The following PLEKHA8 variants were observed in gnomAD, a reference collection of about 807,000 sequenced individuals.
PLEKHA8 encodes the protein pleckstrin homology domain containing A8, also known as pleckstrin homology domain-containing family A member 8.
In PLEKHA8, 36 loss-of-function variants were observed where a neutral mutation model predicts 68.2. The observed-to-expected ratio is 0.53, with a 90% CI of 0.40 to 0.70. The LOEUF is 0.70. Among genes scored for constraint, PLEKHA8 ranks in the 30% least tolerant of loss-of-function variants. PLEKHA8 has a pLI of 0.00. For missense variants in PLEKHA8, 505 were observed against 615.4 expected (o/e 0.82, Z 1.90); for synonymous variants, 211 against 216.1 (o/e 0.98, Z 0.20).
intron 9 of PLEKHA8, among the ~76,000 whole-genome samples, chr7:30,057,331 C>T (rs1049614886): frequency 5.9e-5 from 9 of 152,074 alleles, no homozygotes; most frequent in African/African-American, 1.2e-4. Context: ...TTTTGAGATC[C>T]GTCCTTGTTT....
chr7:30,093,599 T>C (rs1454960422), downstream of PLEKHA8, among the ~76,000 whole-genome samples: 1 of 152,234 alleles, frequency 6.6e-6, no homozygotes, highest in East Asian at 1.9e-4. Flanking sequence ...TTCTCCTCTG[T>C]AAACTGAGAT....
At chr7:30,090,878 C>T (rs1246016722), downstream of PLEKHA8, 3 of 173,290 alleles carry the variant, frequency 1.7e-5, no homozygotes, top group African/African-American at 7.2e-5. Flanking sequence ...AAAAATTCCT[C>T]AGCCCGGCAT....
At chr7:30,036,101 C>G (rs764027385) in intron 1 of PLEKHA8, among the ~76,000 whole-genome samples, 53 of 150,954 alleles carry the variant, frequency 3.5e-4, no homozygotes, top group Admixed American at 1.3e-3. Context: ...ACTAAAAATA[C>G]AAAAATTAGC....
downstream of PLEKHA8, among the ~76,000 whole-genome samples, chr7:30,085,071 A>G (rs558288114): frequency 2.0e-5 from 3 of 151,104 alleles, no homozygotes; most frequent in African/African-American, 7.3e-5. Context: ...CAGCCTCCTG[A>G]GTAGCTGGGA....
chr7:30,100,386 A>G (rs1225312120), intron 13 of PLEKHA8, among the ~76,000 whole-genome samples: 1 of 152,004 alleles, frequency 6.6e-6, no homozygotes, highest in Non-Finnish European at 1.5e-5. Flanking sequence ...CCCTGTCTCT[A>G]CTAAAATTAC....
At chr7:30,029,631 C>A (rs1032849361) in intron 1 of PLEKHA8, among the ~76,000 whole-genome samples, 9 of 152,182 alleles carry the variant, frequency 5.9e-5, no homozygotes, top group Non-Finnish European at 1.3e-4. Flanking sequence ...GTGCTAGCCA[C>A]TTTTTTGGAA....
At chr7:30,049,858 C>G (rs1279980654) in intron 5 of PLEKHA8, among the ~76,000 whole-genome samples, 3 of 152,174 alleles carry the variant, frequency 2.0e-5, no homozygotes, top group Non-Finnish European at 4.4e-5. Context: ...TTAATAATTC[C>G]TTCCACTCCT....
chr7:30,028,786 G>C lies in PLEKHA8; in HGVS notation c.24G>C (p.Trp8Cys). ...CCATGGAGGGGGTGCTGTACAAGTG[G>C]ACCAACTATCTGAGCGGTGAGTGGC... The part of the protein sequence containing the change: MEGVLYK[W>C]TNYLSGWQPR... Residue 8 changes from tryptophan (W) to cysteine (C), a missense_variant, in exon 1 of 14, where the codon TGG becomes TGC. Coordinates refer to ENST00000449726, the MANE Select transcript of PLEKHA8 (RefSeq NM_001197026.2). 1.6e-6 allele frequency: 2 copies of C among 1,272,436 alleles called. No individual in the cohort carries two copies. Among genetic ancestry groups the C allele is most frequent in the Non-Finnish European group, 2.0e-6 (2 of 1,003,178 alleles). 78.8% of individuals were successfully genotyped at this position (1,272,436 alleles called of 1,614,324 possible).
chr7:30,083,339 A>T lies in PLEKHA8; in HGVS notation c.*4552A>T. Reference sequence around the variant, plus strand: ...ATAGTCATTTCATAAAAAATAATTCACTAGCTGTCTAATGGTATTTTAAGA... The same window carrying T: ...ATAGTCATTTCATAAAAAATAATTCTCTAGCTGTCTAATGGTATTTTAAGA... On this transcript the variant is annotated 3_prime_UTR_variant, in exon 14 of 14. Transcript: ENST00000449726. The T allele has an allele frequency of 1.0e-6, 1 of 985,100 alleles. No homozygotes were observed. Among genetic ancestry groups the T allele is most frequent in the Non-Finnish European group, 1.2e-6 (1 of 829,654 alleles). The allele number at this position is 985,100 out of a possible 1,614,324, so 61.0% of individuals were successfully genotyped here.
Position 30,082,877 on chromosome 7 carries a change from G to A in PLEKHA8, c.*4090G>A. On this transcript the variant is annotated 3_prime_UTR_variant, in exon 14 of 14. Transcript: ENST00000449726. ...GAGGCATTTGGGGAGCTTCCTGGAG[G>A]AAAATTAAGTTTTTTTCCTAGCAAA... 2 of 985,332 alleles carry A rather than the reference G, an allele frequency of 2.0e-6. No individual in the cohort carries two copies. The highest frequency in any genetic ancestry group is 9.4e-5 in the South Asian group (2 of 21,292). The allele number at this position is 985,332 out of a possible 1,614,324, so 61.0% of individuals were successfully genotyped here. A position where few individuals can be genotyped will look rare whatever the true frequency, so the allele number is the denominator to read the frequency against.
At chr7:30,056,312 C>CTCTCTCTCTATATATA (rs796845171) in intron 9 of PLEKHA8, among the ~76,000 whole-genome samples, 99 of 94,540 alleles carry the variant, frequency 1.0e-3, no homozygotes, top group South Asian at 1.9e-3. Context: ...CTCTCTCTCT[C>CTCTCTCTCTATATATA]TATATATATA....
chr7:30,071,523 T>C (rs1794238749), intron 12 of PLEKHA8, among the ~76,000 whole-genome samples: 1 of 152,222 alleles, frequency 6.6e-6, no homozygotes, highest in Non-Finnish European at 1.5e-5. Context: ...TGCATACAGA[T>C]AGCTACTCTA....
At chr7:30,098,789 G>A (rs111352585) in intron 13 of PLEKHA8, among the ~76,000 whole-genome samples, 18 of 152,252 alleles carry the variant, frequency 1.2e-4, no homozygotes, top group African/African-American at 4.1e-4. Flanking sequence ...TGGGTGATGC[G>A]ATGTTGCGCC....
downstream of PLEKHA8, among the ~76,000 whole-genome samples, chr7:30,089,535 A>G (rs145444200): frequency 6.6e-6 from 1 of 152,362 alleles, no homozygotes; most frequent in African/African-American, 2.4e-5. Context: ...AAGATGGGAA[A>G]TATGTCAAGG....
chr7:30,089,263 C>T (rs1038387872), downstream of PLEKHA8, among the ~76,000 whole-genome samples: 4 of 152,130 alleles, frequency 2.6e-5, no homozygotes, highest in Non-Finnish European at 5.9e-5. Context: ...ACTTCCACAC[C>T]ACGATGGAAA....
rs1404664469 is a variant in PLEKHA8 at position 30,079,172 on chromosome 7, T to C, written c.*385T>C. 9.6e-5 allele frequency: 97 copies of C among 1,010,638 alleles called. No individual in the cohort carries two copies. The highest frequency in any genetic ancestry group is 1.1e-4 in the Non-Finnish European group (96 of 845,338). The allele number at this position is 1,010,638 out of a possible 1,614,324, so 62.6% of individuals were successfully genotyped here. A position where few individuals can be genotyped will look rare whatever the true frequency, so the allele number is the denominator to read the frequency against. ...ATTCCATATTAAGTACCATAATTCA[T>C]AGCCAGTGTTTCAGCCAACTTAGAC... On this transcript the variant is annotated 3_prime_UTR_variant, in exon 14 of 14. Coordinates refer to ENST00000449726, the MANE Select transcript of PLEKHA8 (RefSeq NM_001197026.2).
Position 30,079,064 on chromosome 7 carries a change from A to G in PLEKHA8, c.*277A>G, listed in dbSNP as rs1794787878. On this transcript the variant is annotated 3_prime_UTR_variant, in exon 14 of 14. Coordinates refer to ENST00000449726, the MANE Select transcript of PLEKHA8 (RefSeq NM_001197026.2). ...GCAAGTTATAAGAGCAGATTTAACA[A>G]ACAAATTTGCTGTTATTGTGTATTG... 1 of 1,182,580 alleles carries G rather than the reference A, an allele frequency of 8.5e-7. No individual in the cohort carries two copies. Among genetic ancestry groups the G allele is most frequent in the African/African-American group, 1.6e-5 (1 of 63,850 alleles). 73.3% of individuals were successfully genotyped at this position (1,182,580 alleles called of 1,614,324 possible). A position where few individuals can be genotyped will look rare whatever the true frequency, so the allele number is the denominator to read the frequency against.
At chr7:30,049,042 A>T in intron 4 of PLEKHA8, 182 bp from the exon 5 acceptor site, 1 of 705,998 alleles carries the variant, frequency 1.4e-6, no homozygotes, top group Non-Finnish European at 2.3e-6. Context: ...GGTGAAAGTC[A>T]AATAGTGCTG....
chr7:30,055,162 C>A, intron 8 of PLEKHA8, 95 bp from the exon 9 acceptor site: 1 of 1,110,994 alleles, frequency 9.0e-7, no homozygotes, highest in Non-Finnish European at 1.4e-6. Flanking sequence ...ATTTGCCCTA[C>A]AGAGAGGCAG....
Sources: gnomAD v4.1 joint callset for allele counts (sites outside exome capture counted in the v4.1 genomes callset) on GRCh38, gnomAD v4.1.1 for gene constraint, MANE v1.5 for transcripts, NCBI Gene and HGNC (gene_info 2026-07-23, HGNC 2026-07-21) for gene names.